RNF125: variants seen among roughly 807,000 people sequenced by gnomAD.
RNF125 encodes the protein ring finger protein 125, also known as E3 ubiquitin-protein ligase RNF125.
RNF125 carries 21 observed loss-of-function variants against 26.0 expected under a neutral mutation model. The ratio of observed to expected loss-of-function variants is 0.81; its 90% CI spans 0.57 to 1.16. RNF125 has a LOEUF of 1.16. Ranked by LOEUF, RNF125 falls within the 50% of genes most tolerant of loss-of-function variation. The probability of loss-of-function intolerance (pLI) is 0.00; values close to 1 mark genes in which losing one functional copy is unlikely to be tolerated. For synonymous variants in RNF125, 95 were observed against 109.2 expected (o/e 0.87, Z 0.81); for missense variants, 270 against 299.4 (o/e 0.90, Z 0.72).
the RNF125 span, among the ~76,000 whole-genome samples, chr18:32,080,625 T>G: frequency 1.3e-5 from 2 of 152,230 alleles, no homozygotes; most frequent in Non-Finnish European, 2.9e-5. Context: ...GAGTTTCAGT[T>G]CTGCAAGATA....
the RNF125 span, among the ~76,000 whole-genome samples, chr18:32,085,373 CAGAGAG>C: frequency 0.25 from 32,433 of 128,592 alleles, 4,259 homozygotes; most frequent in Admixed American, 0.39. Context: ...CTGCCAGAAG[CAGAGAG>C]AGAGAGAGAG....
Position 32,068,516 on chromosome 18 carries a change from A to G in RNF125, c.*132A>G, listed in dbSNP as rs1046395989. On this transcript the variant is annotated 3_prime_UTR_variant, in exon 6 of 6. Coordinates refer to ENST00000217740, the MANE Select transcript of RNF125 (RefSeq NM_017831.4). ...CACAGTTATGTGTTTGTCCATGTTT[A>G]TTGTTATAGTGCATTTAAAAACTGC... The G allele has an allele frequency of 1.5e-5, 9 of 604,864 alleles. No homozygotes were observed. The highest frequency in any genetic ancestry group is 2.7e-5 in the Non-Finnish European group (9 of 334,746). 37.5% of individuals were successfully genotyped at this position (604,864 alleles called of 1,614,324 possible).
intron 1 of RNF125, among the ~76,000 whole-genome samples, chr18:32,026,158 G>A (rs2039033239): frequency 6.7e-6 from 1 of 149,032 alleles, no homozygotes; most frequent in South Asian, 2.1e-4. Flanking sequence ...TCCGCCTCCT[G>A]GGTTCAAGCG....
the RNF125 span, among the ~76,000 whole-genome samples, chr18:32,089,740 T>C: frequency 6.6e-6 from 1 of 152,176 alleles, no homozygotes. Flanking sequence ...GAATGACTTA[T>C]TAGAATATAT....
chr18:32,051,694 C>CTTTTTTTTTTTTTT (rs71177837), intron 4 of RNF125, among the ~76,000 whole-genome samples: 3 of 118,030 alleles, frequency 2.5e-5, no homozygotes, highest in African/African-American at 3.4e-5. Context: ...TATTTTCTTT[C>CTTTTTTTTTTTTTT]TTTTTTTTTT....
intron 1 of RNF125, among the ~76,000 whole-genome samples, chr18:32,023,874 T>C (rs986942679): frequency 2.6e-5 from 4 of 152,142 alleles, no homozygotes; most frequent in Admixed American, 6.6e-5. Flanking sequence ...CTGGGCAACA[T>C]AGTGAGACCC....
chr18:32,063,369 G>A (rs1327028465), intron 4 of RNF125, among the ~76,000 whole-genome samples: 1 of 151,990 alleles, frequency 6.6e-6, no homozygotes, highest in Admixed American at 6.6e-5. Context: ...ACCATGGTGA[G>A]ATACCAGTAC....
In RNF125 at chr18:32,065,609, C is replaced by T. The variant is rs183505406; in HGVS notation, c.505-293C>T. Among the ~76,000 whole-genome samples the T allele has an allele frequency of 3.3e-3, 507 of 152,204 alleles. 6 individuals are homozygous for T. Among genetic ancestry groups the T allele is most frequent in the Non-Finnish European group, 7.1e-4 (48 of 68,010 alleles). On this transcript the variant is annotated intron_variant, in intron 4 of 5. Transcript: ENST00000217740. ...AGGGCAGTGGTGTGATCTTGGCTCACTGCAACCTCTGCCTCCGGGTTCAAG... is the reference window on the plus strand; with the variant it reads ...AGGGCAGTGGTGTGATCTTGGCTCATTGCAACCTCTGCCTCCGGGTTCAAG...
downstream of RNF125, among the ~76,000 whole-genome samples, chr18:32,074,149 G>A (rs895411854): frequency 6.6e-6 from 1 of 152,168 alleles, no homozygotes; most frequent in Non-Finnish European, 1.5e-5. Flanking sequence ...CTCTTCTCCA[G>A]GGAAGCTGTT....
chr18:32,075,812 T>G, downstream of RNF125: 7 of 605,358 alleles, frequency 1.2e-5, no homozygotes, highest in African/African-American at 1.9e-5. Context: ...AGGGCCTCCA[T>G]TGTTTTCTTT....
intron 1 of RNF125, among the ~76,000 whole-genome samples, chr18:32,033,900 G>T (rs1191125508): frequency 6.6e-6 from 1 of 151,662 alleles, no homozygotes; most frequent in East Asian, 1.9e-4. Flanking sequence ...CGTTCTATTA[G>T]TGACAGTGAC....
chr18:32,085,278 G>A, the RNF125 span, among the ~76,000 whole-genome samples: 1 of 152,066 alleles, frequency 6.6e-6, no homozygotes, highest in Non-Finnish European at 1.5e-5. Context: ...AAGGCATTGA[G>A]AAAAGGAAGG....
At position 32,045,171 on chromosome 18, in the gene RNF125, CT is replaced by C. The variant is rs2039256724; in HGVS notation, c.414-469del. 2.6e-5 allele frequency among the ~76,000 whole-genome samples: 4 copies of C among 151,620 alleles called. No individual in the cohort carries two copies. The South Asian group carries it at 8.3e-4, about 32-fold the overall frequency. On this transcript the variant is annotated intron_variant, in intron 3 of 5. Coordinates refer to ENST00000217740, the MANE Select transcript of RNF125 (RefSeq NM_017831.4). ...AAAAAGAAAAGTGACCTGCAGCTAC[CT>C]TATTAAATCCTTATGTACACTTAGG... is the stretch of plus-strand genomic sequence containing the variant.
chr18:32,080,782 G>A, the RNF125 span, among the ~76,000 whole-genome samples: 2,313 of 152,270 alleles, frequency 0.015, 59 homozygotes, highest in African/African-American at 0.053. Flanking sequence ...CCAGCTACTC[G>A]GGAGAATGGC....
Position 32,045,870 on chromosome 18 carries a change from T to C in RNF125, c.504+138T>C, listed in dbSNP as rs2039265353. On this transcript the variant is annotated intron_variant, in intron 4 of 5. Coordinates refer to ENST00000217740, the MANE Select transcript of RNF125 (RefSeq NM_017831.4). ...TAAGGTTATGGTAACTCTGTGACTG[T>C]TTACAATGTGTGAAAGTGTTCAGTT... 7.2e-6 allele frequency: 4 copies of C among 554,922 alleles called. No individual in the cohort carries two copies. The Admixed American group carries it at 9.6e-5, about 13-fold the overall frequency. The allele number at this position is 554,922 out of a possible 1,614,324, so 34.4% of individuals were successfully genotyped here.
At chr18:32,043,855 T>G (rs2039242580) in intron 3 of RNF125, among the ~76,000 whole-genome samples, 1 of 152,184 alleles carries the variant, frequency 6.6e-6, no homozygotes, top group Admixed American at 6.5e-5. Flanking sequence ...TAAAAATTCT[T>G]ACACCTAGAG....
rs1026432528 is a variant in RNF125, at chr18:32,071,030, T to G, written c.*2646T>G. 2 of 152,202 alleles carry G rather than the reference T, an allele frequency of 1.3e-5. No individual in the cohort carries two copies. Among genetic ancestry groups the G allele is most frequent in the African/African-American group, 2.4e-5 (1 of 41,434 alleles). 9.4% of individuals were successfully genotyped at this position (152,202 alleles called of 1,614,324 possible). ...CCCAATTTTTAAAATAGTTATACTATGTCAACATTTTCAGAACATACTGGT... is the reference window on the plus strand; with the variant it reads ...CCCAATTTTTAAAATAGTTATACTAGGTCAACATTTTCAGAACATACTGGT... On this transcript the variant is annotated 3_prime_UTR_variant, in exon 6 of 6. Transcript: ENST00000217740.
At chr18:32,087,027 C>G in the RNF125 span, among the ~76,000 whole-genome samples, 2 of 152,114 alleles carry the variant, frequency 1.3e-5, no homozygotes, top group Non-Finnish European at 2.9e-5. Flanking sequence ...TTGGTCATAA[C>G]TGAGTCACAT....
rs965468621 is a variant in RNF125, at chr18:32,028,230, A to G, written c.165-8886A>G. ...GGAGAATGGTGTGAACTAGGGAGGC[A>G]GAGCTTGCAGTGAGCCGAGATTGCA... On this transcript the variant is annotated intron_variant, in intron 1 of 5. Transcript: ENST00000217740. Among the ~76,000 whole-genome samples the G allele has an allele frequency of 4.1e-5, 6 of 147,948 alleles. No homozygotes were observed. In the South Asian group the frequency reaches 6.6e-4, roughly 16 times the overall value.
Sources: gnomAD v4.1 joint callset for allele counts (sites outside exome capture counted in the v4.1 genomes callset) on GRCh38, gnomAD v4.1.1 for gene constraint, MANE v1.5 for transcripts, NCBI Gene and HGNC (gene_info 2026-07-23, HGNC 2026-07-21) for gene names.